NHLRC3: variants seen among roughly 807,000 people sequenced by gnomAD.
The protein encoded by NHLRC3 is NHL repeat containing 3.
NHLRC3 carries 23 observed loss-of-function variants against 32.0 expected under a neutral mutation model. That is an observed-to-expected ratio of 0.72 (90% CI 0.52 to 1.02). The LOEUF (loss-of-function observed/expected upper bound fraction) is 1.02, where lower values mean the gene tolerates loss of function less well. Among genes scored for constraint, NHLRC3 ranks in the 50% least tolerant of loss-of-function variants. NHLRC3 has a pLI of 0.00. For synonymous variants in NHLRC3, 159 were observed against 147.9 expected (o/e 1.08, Z -0.55); for missense variants, 407 against 406.8 (o/e 1.00, Z -0.01).
rs770710267 is a variant in NHLRC3, at chr13:39,047,749, A to G, written c.867A>G (p.Pro289=). 1.9e-6 allele frequency: 3 copies of G among 1,613,994 alleles called. No individual in the cohort carries two copies. Among genetic ancestry groups the G allele is most frequent in the East Asian group, 2.2e-5 (1 of 44,888 alleles). The change falls in exon 7 of 7, where the codon CCA becomes CCG. Residue 289 remains proline (P), a synonymous_variant. Transcript: ENST00000379600. ...LSRLSVVAAP[P]VGSIGECSVI... is the part of the protein sequence containing the mutation. ...GGCTCTCAGTCGTAGCAGCACCCCC[A>G]GTGGGAAGCATTGGGGAGTGTTCTG... is the stretch of plus-strand genomic sequence containing the variant.
chr13:39,044,546 A>G (rs535739995), intron 5 of NHLRC3: 5 of 190,138 alleles, frequency 2.6e-5, no homozygotes, highest in Non-Finnish European at 5.3e-5. Flanking sequence ...AAACTCCACT[A>G]AAAGTGTTTG....
In NHLRC3 at chr13:39,038,586, A is replaced by G. The variant is rs922529708; in HGVS notation, c.-54A>G. Reference sequence around the variant, plus strand: ...CAAACCGTTGCAGCCTGAGGCTGTCAGGTCCTCCCCCAGACACCTGCGGAC... The same window carrying G: ...CAAACCGTTGCAGCCTGAGGCTGTCGGGTCCTCCCCCAGACACCTGCGGAC... On this transcript the variant is annotated 5_prime_UTR_variant, in exon 1 of 7. Transcript: ENST00000379600. The G allele has an allele frequency of 4.8e-6, 7 of 1,457,518 alleles. No homozygotes were observed. Among genetic ancestry groups the G allele is most frequent in the Non-Finnish European group, 6.8e-6 (7 of 1,036,828 alleles). The allele number at this position is 1,457,518 out of a possible 1,614,324, so 90.3% of individuals were successfully genotyped here. A position where few individuals can be genotyped will look rare whatever the true frequency, so the allele number is the denominator to read the frequency against.
At chr13:39,040,150 T>A (rs374598789) in intron 3 of NHLRC3, 2 of 148,556 alleles carry the variant, frequency 1.3e-5, no homozygotes, top group South Asian at 2.1e-4. Context: ...ATCGCGCCAC[T>A]GCACTCCAGC....
At chr13:39,040,803 G>A (rs1342282266) in intron 3 of NHLRC3, 2 of 152,132 alleles carry the variant, frequency 1.3e-5, no homozygotes, top group East Asian at 1.9e-4. Context: ...TCTGTAAGTA[G>A]TGCCATTATC....
Position 39,039,810 on chromosome 13 carries a change from T to C in NHLRC3, c.385+99T>C, listed in dbSNP as rs1871385540. The C allele has an allele frequency of 4.9e-6, 4 of 810,410 alleles. No homozygotes were observed. In the Admixed American group the frequency reaches 7.6e-5, roughly 15 times the overall value. 50.2% of individuals were successfully genotyped at this position (810,410 alleles called of 1,614,324 possible). A position where few individuals can be genotyped will look rare whatever the true frequency, so the allele number is the denominator to read the frequency against. ...TAAAATCAGAGTTGCTGAATCTAAT[T>C]GTAATTTCTTTAACGATTCATGAAA... On this transcript the variant is annotated intron_variant, in intron 3 of 6. Coordinates refer to ENST00000379600, the MANE Select transcript of NHLRC3 (RefSeq NM_001012754.4).
chr13:39,049,911 A>G lies in NHLRC3; in HGVS notation c.*1985A>G, dbSNP rs560889139. 2.0e-5 allele frequency: 3 copies of G among 152,244 alleles called. No homozygotes were observed. The highest frequency in any genetic ancestry group is 4.8e-5 in the African/African-American group (2 of 41,466). The allele number at this position is 152,244 out of a possible 1,614,324, so 9.4% of individuals were successfully genotyped here. A position where few individuals can be genotyped will look rare whatever the true frequency, so the allele number is the denominator to read the frequency against. On this transcript the variant is annotated 3_prime_UTR_variant, in exon 7 of 7. Transcript: ENST00000379600. Reference sequence around the variant, plus strand: ...TCAGAGTCTTATAAAACCTGCTGCAAATATTTCTGAATGTCTTTGTAAAAG... The same window carrying G: ...TCAGAGTCTTATAAAACCTGCTGCAGATATTTCTGAATGTCTTTGTAAAAG...
At chr13:39,044,039 G>A in intron 4 of NHLRC3, 51 bp from the exon 5 acceptor site, 1 of 1,240,000 alleles carries the variant, frequency 8.1e-7, no homozygotes, top group Non-Finnish European at 1.2e-6. Context: ...ATATGCAAAT[G>A]CATGAGACAT....
rs1196603851 is a variant in NHLRC3, at chr13:39,049,028, T to C, written c.*1102T>C. The C allele has an allele frequency of 2.0e-5, 3 of 151,958 alleles. No individual in the cohort carries two copies. Among genetic ancestry groups the C allele is most frequent in the Non-Finnish European group, 4.4e-5 (3 of 68,016 alleles). 9.4% of individuals were successfully genotyped at this position (151,958 alleles called of 1,614,324 possible). On this transcript the variant is annotated 3_prime_UTR_variant, in exon 7 of 7. Coordinates refer to ENST00000379600, the MANE Select transcript of NHLRC3 (RefSeq NM_001012754.4). ...CCCACTCCCTCCTTTGGTGTGAATA[T>C]TGGCTTCCCAATTAAGACCTTTTTT...
rs1871788403 is a variant in NHLRC3, at chr13:39,048,734, T to C, written c.*808T>C. 6.6e-6 allele frequency: 1 copy of C among 152,234 alleles called. No homozygotes were observed. Among genetic ancestry groups the C allele is most frequent in the Non-Finnish European group, 1.5e-5 (1 of 68,032 alleles). The allele number at this position is 152,234 out of a possible 1,614,324, so 9.4% of individuals were successfully genotyped here. On this transcript the variant is annotated 3_prime_UTR_variant, in exon 7 of 7. Coordinates refer to ENST00000379600, the MANE Select transcript of NHLRC3 (RefSeq NM_001012754.4). ...GCTTCTGTCCATTACCTATAAGATA[T>C]TTAATGTCAGTCAGCCTTTAAATGT...
chr13:39,046,288 C>T (rs1159053429), intron 5 of NHLRC3, among the ~76,000 whole-genome samples: 3 of 152,162 alleles, frequency 2.0e-5, no homozygotes, highest in Non-Finnish European at 1.5e-5. Flanking sequence ...CACTGCACTC[C>T]AGCCTGGGTG....
chr13:39,043,291 T>C (rs1027548219), intron 4 of NHLRC3, among the ~76,000 whole-genome samples: 9 of 152,216 alleles, frequency 5.9e-5, no homozygotes, highest in Non-Finnish European at 1.2e-4. Context: ...GTGGTTGCCA[T>C]AACAAATTGC....
upstream of NHLRC3, chr13:39,038,397 C>A: frequency 1.8e-6 from 1 of 557,936 alleles, no homozygotes; most frequent in Non-Finnish European, 3.2e-6. Flanking sequence ...AAGCACCTGA[C>A]ATGAGGGCGG....
At chr13:39,039,486 TA>T in intron 2 of NHLRC3, 77 bp from the exon 3 acceptor site, 9 of 1,339,558 alleles carry the variant, frequency 6.7e-6, no homozygotes, top group South Asian at 4.1e-5. Context: ...AATTCTCAGT[TA>T]TTTTTTTTCT....
In NHLRC3 at chr13:39,049,195, A is replaced by G. The variant is rs1308144222; in HGVS notation, c.*1269A>G. On this transcript the variant is annotated 3_prime_UTR_variant, in exon 7 of 7. Transcript: ENST00000379600. ...TTTACTGTAAATTGTGTAGCATATG[A>G]CAAATCTTGAGCTGACTTTCCTCTT... 1 of 152,618 alleles carries G rather than the reference A, an allele frequency of 6.6e-6. No individual in the cohort carries two copies. The allele number at this position is 152,618 out of a possible 1,614,324, so 9.5% of individuals were successfully genotyped here. A position where few individuals can be genotyped will look rare whatever the true frequency, so the allele number is the denominator to read the frequency against.
intron 1 of NHLRC3, 75 bp from the exon 2 acceptor site, chr13:39,039,061 T>TTC: frequency 1.3e-6 from 1 of 760,182 alleles, no homozygotes; most frequent in East Asian, 2.7e-5. Context: ...TAAGCCCTGT[T>TTC]ACCCGGCCCC....
chr13:39,048,009 A>T lies in NHLRC3; in HGVS notation c.*83A>T. On this transcript the variant is annotated 3_prime_UTR_variant, in exon 7 of 7. Coordinates refer to ENST00000379600, the MANE Select transcript of NHLRC3 (RefSeq NM_001012754.4). ...TTAAAAATGATGTTCAAGCACAAGA[A>T]TTTATTTTTCTAGTATAAAAGATCT... The T allele has an allele frequency of 8.6e-7, 1 of 1,160,506 alleles. No homozygotes were observed. The allele number at this position is 1,160,506 out of a possible 1,614,324, so 71.9% of individuals were successfully genotyped here. A position where few individuals can be genotyped will look rare whatever the true frequency, so the allele number is the denominator to read the frequency against.
At chr13:39,043,511 G>T (rs1871542316) in intron 4 of NHLRC3, among the ~76,000 whole-genome samples, 1 of 152,020 alleles carries the variant, frequency 6.6e-6, no homozygotes, top group Non-Finnish European at 1.5e-5. Flanking sequence ...GTGTGTTTTT[G>T]TGCCTCCAGT....
In NHLRC3 at chr13:39,047,877, T is replaced by C. The variant is rs1871748018; in HGVS notation, c.995T>C (p.Val332Ala). The stretch of plus-strand genomic sequence containing the variant: ...GTAGCAGAAATTGGAGCAAAACAAG[T>C]ACAAAAATATGTCCCTTTGAATAGC... The part of the protein sequence containing the change: ...VYVAEIGAKQ[V>A]QKYVPLNSYV... The change falls in exon 7 of 7, where the codon GTA becomes GCA. Residue 332 changes from valine to alanine, a missense_variant. By Grantham distance (64) the Val-to-Ala change is moderately conservative. Coordinates refer to ENST00000379600, the MANE Select transcript of NHLRC3 (RefSeq NM_001012754.4). The C allele has an allele frequency of 1.9e-6, 3 of 1,613,660 alleles. No individual in the cohort carries two copies. Among genetic ancestry groups the C allele is most frequent in the South Asian group, 1.1e-5 (1 of 91,082 alleles).
At chr13:39,045,381 G>A (rs1208847170) in intron 5 of NHLRC3, among the ~76,000 whole-genome samples, 2 of 152,162 alleles carry the variant, frequency 1.3e-5, no homozygotes, top group African/African-American at 4.8e-5. Flanking sequence ...GGTGAGGAAC[G>A]CCCTTCTAAA....
Sources: allele counts gnomAD v4.1 joint callset (sites outside exome capture counted in the v4.1 genomes callset), GRCh38; gene constraint gnomAD v4.1.1; transcripts MANE v1.5; gene names NCBI Gene and HGNC (gene_info 2026-07-23, HGNC 2026-07-21).